ANKRD45: variants seen among roughly 807,000 people sequenced by gnomAD.
ANKRD45 encodes the protein ankyrin repeat domain 45.
Under a neutral mutation model 28.1 loss-of-function variants are expected in ANKRD45, and 21 were observed. The observed-to-expected ratio is 0.75, with a 90% CI of 0.53 to 1.08. ANKRD45 has a LOEUF of 1.08. ANKRD45 is among the 50% of genes least tolerant of loss of function. The pLI is 0.00. For synonymous variants in ANKRD45, 86 were observed against 103.9 expected (o/e 0.83, Z 1.05); for missense variants, 261 against 308.7 (o/e 0.85, Z 1.16).
chr1:173,670,579 GC>G (rs1208490560), upstream of ANKRD45, among the ~76,000 whole-genome samples: 14 of 152,262 alleles, frequency 9.2e-5, 1 homozygote, highest in Admixed American at 9.2e-4. Context: ...AGTTCGAATA[GC>G]CTAGTTCTGA....
At chr1:173,700,351 CT>C in the ANKRD45 span, among the ~76,000 whole-genome samples, 2 of 152,176 alleles carry the variant, frequency 1.3e-5, no homozygotes, top group Admixed American at 6.6e-5. Flanking sequence ...CAAAAAAGAG[CT>C]TGCATTGCCA....
intron 5 of ANKRD45, among the ~76,000 whole-genome samples, chr1:173,622,902 T>C (rs985342373): frequency 6.6e-6 from 1 of 152,168 alleles, no homozygotes; most frequent in Non-Finnish European, 1.5e-5. Flanking sequence ...TCTATTCATC[T>C]GACAAAGGTC....
chr1:173,693,065 C>CG, the ANKRD45 span, among the ~76,000 whole-genome samples: 4 of 141,126 alleles, frequency 2.8e-5, no homozygotes, highest in East Asian at 2.3e-4. Flanking sequence ...GATGGGGGGC[C>CG]GGGGGGGTGG....
At chr1:173,666,746 T>C (rs757369203) in intron 1 of ANKRD45, among the ~76,000 whole-genome samples, 23 of 151,986 alleles carry the variant, frequency 1.5e-4, no homozygotes, top group Admixed American at 5.2e-4. Context: ...CTAACACAAA[T>C]AGCATTTAAA....
At chr1:173,692,899 C>T in the ANKRD45 span, among the ~76,000 whole-genome samples, 3 of 152,308 alleles carry the variant, frequency 2.0e-5, no homozygotes, top group East Asian at 3.9e-4. Context: ...TGTGAAACCA[C>T]GTTCACCCTA....
chr1:173,635,760 A>G, intron 3 of ANKRD45: 2 of 1,535,524 alleles, frequency 1.3e-6, no homozygotes. Context: ...TATCTCATTT[A>G]TAATTTATTA....
At chr1:173,676,465 C>G in the ANKRD45 span, among the ~76,000 whole-genome samples, 1 of 152,034 alleles carries the variant, frequency 6.6e-6, no homozygotes, top group Non-Finnish European at 1.5e-5. Context: ...TTAGTTTAGT[C>G]CCTGCGGTTA....
At chr1:173,705,618 GT>G in the ANKRD45 span, among the ~76,000 whole-genome samples, 37,267 of 151,766 alleles carry the variant, frequency 0.25, 4,826 homozygotes, top group Middle Eastern at 0.41. Flanking sequence ...AGTGCGCTGT[GT>G]TTGCACCACT....
At chr1:173,636,943 C>T (rs1299186190) in intron 3 of ANKRD45, 3 of 1,535,624 alleles carry the variant, frequency 2.0e-6, no homozygotes, top group African/African-American at 1.4e-5. Flanking sequence ...TATACAAGAT[C>T]TGGGAGCACA....
intron 1 of ANKRD45, among the ~76,000 whole-genome samples, chr1:173,661,969 G>T (rs1669794448): frequency 1.3e-5 from 2 of 152,210 alleles, no homozygotes; most frequent in African/African-American, 4.8e-5. Flanking sequence ...AAGTAGGACT[G>T]CAGAGAATGA....
At chr1:173,702,151 G>T in the ANKRD45 span, among the ~76,000 whole-genome samples, 3 of 152,158 alleles carry the variant, frequency 2.0e-5, no homozygotes, top group African/African-American at 7.2e-5. Context: ...GATCTTGGAG[G>T]GGGATGAGAC....
intron 3 of ANKRD45, among the ~76,000 whole-genome samples, chr1:173,638,095 A>AGTGTGTGT (rs57442264): frequency 7.8e-4 from 116 of 149,402 alleles, no homozygotes; most frequent in East Asian, 2.4e-3. Context: ...TTGGAGGCTG[A>AGTGTGTGT]GTGTGTGTGT....
chr1:173,654,497 T>A (rs1669402207), intron 2 of ANKRD45, among the ~76,000 whole-genome samples: 1 of 152,230 alleles, frequency 6.6e-6, no homozygotes, highest in South Asian at 2.1e-4. Flanking sequence ...CCTTTGTGGG[T>A]AACCCAACCT....
At chr1:173,714,317 C>G in the ANKRD45 span, among the ~76,000 whole-genome samples, 1 of 151,858 alleles carries the variant, frequency 6.6e-6, no homozygotes, top group African/African-American at 2.4e-5. Context: ...GCTCTGCTTG[C>G]TACTGAAAAA....
chr1:173,653,416 CT>C (rs1168471135), intron 2 of ANKRD45, among the ~76,000 whole-genome samples: 1 of 152,040 alleles, frequency 6.6e-6, no homozygotes, highest in Non-Finnish European at 1.5e-5. Context: ...TTTTGAGTGA[CT>C]TTCTTAATCC....
chr1:173,694,087 T>A, the ANKRD45 span, among the ~76,000 whole-genome samples: 22 of 152,252 alleles, frequency 1.4e-4, 1 homozygote, highest in African/African-American at 5.1e-4. Context: ...AGGCACTATT[T>A]CTCAGAGGTA....
rs1287256734 is a variant in ANKRD45 at position 173,633,712 on chromosome 1, G to A, written c.497-6553C>T. 6.6e-5 allele frequency among the ~76,000 whole-genome samples: 10 copies of A among 151,698 alleles called. No homozygotes were observed. The East Asian group carries it at 7.7e-4, about 12-fold the overall frequency. Reference sequence around the variant, plus strand: ...TAAATCTATAAATCTCACTTTTGACGAAGGTGCCAAGAACATACATTGGGG... The same window carrying A: ...TAAATCTATAAATCTCACTTTTGACAAAGGTGCCAAGAACATACATTGGGG... On this transcript the variant is annotated intron_variant, in intron 3 of 5. Transcript: ENST00000333279.
At chr1:173,680,971 G>T in the ANKRD45 span, among the ~76,000 whole-genome samples, 2 of 151,418 alleles carry the variant, frequency 1.3e-5, no homozygotes, top group African/African-American at 2.4e-5. Context: ...ATGGTGGGTG[G>T]GGGGGAGGCG....
the ANKRD45 span, among the ~76,000 whole-genome samples, chr1:173,686,523 G>C: frequency 1.3e-5 from 2 of 152,084 alleles, no homozygotes; most frequent in Admixed American, 1.3e-4. Flanking sequence ...CCTTTGATGA[G>C]AACATGATCC....
Sources: gnomAD v4.1 joint callset for allele counts (sites outside exome capture counted in the v4.1 genomes callset) on GRCh38, gnomAD v4.1.1 for gene constraint, MANE v1.5 for transcripts, NCBI Gene and HGNC (gene_info 2026-07-23, HGNC 2026-07-21) for gene names.